Variants in NHLRC2 observed in about 807,000 individuals in gnomAD.
The protein encoded by NHLRC2 is NHL repeat containing 2, also known as NHL repeat-containing protein 2.
A neutral mutation model predicts 68.1 loss-of-function variants in NHLRC2; 33 were observed. The observed-to-expected ratio is 0.48, with a 90% CI of 0.37 to 0.65. The LOEUF is 0.65. Ranked by LOEUF, NHLRC2 falls within the 30% of genes least tolerant of loss-of-function variation. NHLRC2 has a pLI of 0.00. For synonymous variants in NHLRC2, 311 were observed against 309.6 expected (o/e 1.00, Z -0.05); for missense variants, 761 against 853.8 (o/e 0.89, Z 1.35).
intron 1 of NHLRC2, among the ~76,000 whole-genome samples, chr10:113,855,265 A>T (rs12771602): frequency 0.053 from 8,029 of 152,290 alleles, 299 homozygotes; most frequent in Non-Finnish European, 0.081. Context: ...GGGGATCCAC[A>T]TACTCGTCTG....
rs10509995 is a variant in NHLRC2 at position 113,903,712 on chromosome 10, T to C, written c.1680T>C (p.Asp560=). The part of the protein sequence containing the change: ...DTNNHQIKVM[D]LETKMVSVLP... The stretch of plus-strand genomic sequence containing the variant: ...ATAATCATCAAATTAAAGTGATGGA[T>C]TTAGAAACTAAAATGGTATCTGTGG... The change falls in exon 9 of 11, where the codon GAT becomes GAC. Residue 560 remains aspartate (D), a synonymous_variant. Coordinates refer to ENST00000369301, the MANE Select transcript of NHLRC2 (RefSeq NM_198514.4). The C allele has an allele frequency of 1.8e-3, 2,825 of 1,571,170 alleles. 13 individuals are homozygous for C. The highest frequency in any genetic ancestry group is 9.7e-3 in the Middle Eastern group (58 of 5,962).
At position 113,870,002 on chromosome 10, in the gene NHLRC2, G is replaced by A. The variant is rs1845907432; in HGVS notation, c.332-6519G>A. On this transcript the variant is annotated intron_variant, in intron 2 of 10. Coordinates refer to ENST00000369301, the MANE Select transcript of NHLRC2 (RefSeq NM_198514.4). Reference sequence around the variant, plus strand: ...AACCCTGAGTCAGCTATTTCTTTAAGGAGCTTTGATCCCTTTTAGTAGGGA... The same window carrying A: ...AACCCTGAGTCAGCTATTTCTTTAAAGAGCTTTGATCCCTTTTAGTAGGGA... Among the ~76,000 whole-genome samples the A allele has an allele frequency of 3.3e-5, 5 of 152,196 alleles. No homozygotes were observed. The South Asian group carries it at 1.0e-3, about 32-fold the overall frequency.
intron 5 of NHLRC2, among the ~76,000 whole-genome samples, chr10:113,896,191 A>C (rs1335436314): frequency 6.6e-6 from 1 of 152,150 alleles, no homozygotes; most frequent in Non-Finnish European, 1.5e-5. Context: ...ACTATAAATC[A>C]TGCTACTATA....
intron 9 of NHLRC2, 119 bp downstream of exon 9, chr10:113,903,855 C>T: frequency 3.0e-6 from 2 of 657,404 alleles, no homozygotes; most frequent in Non-Finnish European, 5.5e-6. Flanking sequence ...TAAGTGGATG[C>T]TTCTGTTGTA....
At chr10:113,865,788 G>A (rs776411050) in intron 2 of NHLRC2, among the ~76,000 whole-genome samples, 3 of 151,916 alleles carry the variant, frequency 2.0e-5, no homozygotes, top group Non-Finnish European at 2.9e-5. Flanking sequence ...TTTTTATATT[G>A]ATTAGAAGAT....
chr10:113,887,909 G>C (rs1267304138), intron 5 of NHLRC2, among the ~76,000 whole-genome samples: 4 of 151,736 alleles, frequency 2.6e-5, no homozygotes, highest in Non-Finnish European at 5.9e-5. Flanking sequence ...GACAGATACT[G>C]TATGATCTTA....
intron 2 of NHLRC2, among the ~76,000 whole-genome samples, chr10:113,869,978 A>G (rs1845907233): frequency 6.6e-6 from 1 of 152,030 alleles, no homozygotes; most frequent in South Asian, 2.1e-4. Context: ...TTCCAGCCCA[A>G]CCCTGAGTCA....
rs367605562 is a variant in NHLRC2 at position 113,893,397 on chromosome 10, CA to C, written c.1040-4712del. 2.3e-3 allele frequency among the ~76,000 whole-genome samples: 348 copies of C among 152,242 alleles called. 1 individual carries two copies. The highest frequency in any genetic ancestry group is 7.6e-3 in the African/African-American group (316 of 41,534). ...TTTCCAAGTTTAGCTGGGTGAATTTCAGCAAATTATTTAGCCTCTTTGAAGC... is the reference window on the plus strand; with the variant it reads ...TTTCCAAGTTTAGCTGGGTGAATTTCGCAAATTATTTAGCCTCTTTGAAGC... On this transcript the variant is annotated intron_variant, in intron 5 of 10. Transcript: ENST00000369301.
chr10:113,901,574 T>A lies in NHLRC2; in HGVS notation c.1140-92T>A, dbSNP rs7919159. 0.014 allele frequency: 11,767 copies of A among 816,798 alleles called. 837 individuals carry two copies. The African/African-American group carries it at 0.17, about 11-fold the overall frequency. 50.6% of individuals were successfully genotyped at this position (816,798 alleles called of 1,614,324 possible). A position where few individuals can be genotyped will look rare whatever the true frequency, so the allele number is the denominator to read the frequency against. On this transcript the variant is annotated intron_variant, in intron 6 of 10. Coordinates refer to ENST00000369301, the MANE Select transcript of NHLRC2 (RefSeq NM_198514.4). ...TTGTTTTTTTAGGAGGCTTATCACTTTTGATTTGATTATTCACATTCATTT... is the reference window on the plus strand; with the variant it reads ...TTGTTTTTTTAGGAGGCTTATCACTATTGATTTGATTATTCACATTCATTT...
intron 3 of NHLRC2, among the ~76,000 whole-genome samples, chr10:113,878,760 C>T (rs1426381137): frequency 1.3e-5 from 2 of 152,118 alleles, no homozygotes; most frequent in African/African-American, 4.8e-5. Context: ...AACCCTTGAC[C>T]TCAAGTGATC....
chr10:113,891,772 T>G (rs1846134819), intron 5 of NHLRC2, among the ~76,000 whole-genome samples: 1 of 152,132 alleles, frequency 6.6e-6, no homozygotes. Flanking sequence ...GCTTGTGTTG[T>G]GTATGGGGAT....
chr10:113,890,012 G>A (rs566016241), intron 5 of NHLRC2, among the ~76,000 whole-genome samples: 1 of 152,320 alleles, frequency 6.6e-6, no homozygotes, highest in East Asian at 1.9e-4. Flanking sequence ...CACAGTTTTT[G>A]TTTTGTGGTA....
At chr10:113,871,923 G>A (rs1845929563) in intron 2 of NHLRC2, among the ~76,000 whole-genome samples, 1 of 152,202 alleles carries the variant, frequency 6.6e-6, no homozygotes, top group African/African-American at 2.4e-5. Context: ...TTCTATTGCT[G>A]TAAGTCTGTG....
rs1474024716 is a variant in NHLRC2, at chr10:113,903,582, A to G, written c.1550A>G (p.Asp517Gly). The change falls in exon 9 of 11, where the codon GAC (aspartate) becomes GGC (glycine). Residue 517 changes from aspartate to glycine, a missense_variant. Asp to Gly is a moderately conservative substitution (Grantham distance 94). Transcript: ENST00000369301. Reference protein sequence around the residue: ...KNCTTLAGTGDTNNVTSSSFT... With the variant: ...KNCTTLAGTGGTNNVTSSSFT... ...TGTACAACATTAGCAGGAACTGGAGACACAAATAATGTTACCAGTTCCAGT... is the reference window on the plus strand; with the variant it reads ...TGTACAACATTAGCAGGAACTGGAGGCACAAATAATGTTACCAGTTCCAGT... The G allele has an allele frequency of 5.6e-6, 9 of 1,612,716 alleles. No homozygotes were observed. In the Middle Eastern group the frequency reaches 6.6e-4, roughly 118 times the overall value.
At chr10:113,884,058 G>A (rs1305852279) in intron 4 of NHLRC2, among the ~76,000 whole-genome samples, 193 bp from the exon 5 acceptor site, 1 of 151,800 alleles carries the variant, frequency 6.6e-6, no homozygotes, top group Non-Finnish European at 1.5e-5. Flanking sequence ...GGACAGGTGG[G>A]ATATGAAAGG....
rs764086922 is a variant in NHLRC2, at chr10:113,902,527, C to A, written c.1428C>A (p.His476Gln). The change falls in exon 8 of 11, where the codon CAC becomes CAA. Residue 476 changes from histidine (H) to glutamine (Q), a missense_variant. Physicochemically the swap from His to Gln is conservative, Grantham distance 24 (BLOSUM62 0). Coordinates refer to ENST00000369301, the MANE Select transcript of NHLRC2 (RefSeq NM_198514.4). Reference protein sequence around the residue: ...DGVGINAKLQHPLGVTWDKKR... With the variant: ...DGVGINAKLQQPLGVTWDKKR... The stretch of plus-strand genomic sequence containing the variant: ...TAGGAATCAATGCAAAGCTTCAACA[C>A]CCCCTTGGAGTAACATGGGACAAAA... 1.2e-6 allele frequency: 2 copies of A among 1,603,822 alleles called. No homozygotes were observed. Among genetic ancestry groups the A allele is most frequent in the African/African-American group, 1.3e-5 (1 of 74,468 alleles).
intron 2 of NHLRC2, among the ~76,000 whole-genome samples, chr10:113,869,226 G>C (rs1845899299): frequency 6.6e-6 from 1 of 152,176 alleles, no homozygotes; most frequent in African/African-American, 2.4e-5. Flanking sequence ...GATTAAGTAT[G>C]GATGATGAGA....
In NHLRC2 at chr10:113,916,055, C is replaced by T. The variant is rs1378165134; in HGVS notation, c.*7519C>T. The T allele has an allele frequency of 6.6e-6, 1 of 152,154 alleles. No homozygotes were observed. Among genetic ancestry groups the T allele is most frequent in the African/African-American group, 2.4e-5 (1 of 41,430 alleles). The allele number at this position is 152,154 out of a possible 1,614,324, so 9.4% of individuals were successfully genotyped here. A position where few individuals can be genotyped will look rare whatever the true frequency, so the allele number is the denominator to read the frequency against. On this transcript the variant is annotated 3_prime_UTR_variant, in exon 11 of 11. Transcript: ENST00000369301. ...AAAAATAGACATGTTCCTCTCTGAACATTTAGAAGGACTCTGCCCTACAAC... is the reference window on the plus strand; with the variant it reads ...AAAAATAGACATGTTCCTCTCTGAATATTTAGAAGGACTCTGCCCTACAAC...
At chr10:113,856,325 T>C (rs1032374492) in intron 1 of NHLRC2, among the ~76,000 whole-genome samples, 6 of 152,240 alleles carry the variant, frequency 3.9e-5, no homozygotes, top group African/African-American at 1.4e-4. Flanking sequence ...ATGGGAGGTA[T>C]ATCGGAACCT....
Sources: allele counts gnomAD v4.1 joint callset (sites outside exome capture counted in the v4.1 genomes callset), GRCh38; gene constraint gnomAD v4.1.1; transcripts MANE v1.5; gene names NCBI Gene and HGNC (gene_info 2026-07-23, HGNC 2026-07-21).